Variants in LMO7 observed in about 807,000 individuals in gnomAD.
The protein encoded by LMO7 is LIM domain 7.
In LMO7, 120 loss-of-function variants were observed where a neutral mutation model predicts 206.5. The observed-to-expected ratio is 0.58, with a 90% confidence interval of 0.50 to 0.68. The LOEUF (loss-of-function observed/expected upper bound fraction) is 0.68, where lower values mean the gene tolerates loss of function less well. Among genes scored for constraint, LMO7 ranks in the 30% least tolerant of loss-of-function variants. The probability of loss-of-function intolerance (pLI) is 0.00; values close to 1 mark genes in which losing one functional copy is unlikely to be tolerated. For synonymous variants in LMO7, 706 were observed against 681.5 expected, an observed-to-expected ratio of 1.04 and a Z score of -0.56; for missense variants, 1,959 against 1,957.9, an observed-to-expected ratio of 1.00 and a Z score of -0.01.
At chr13:75,665,850 T>G (rs1291810609) in intron 1 of LMO7, among the ~76,000 whole-genome samples, 1 of 152,138 alleles carries the variant, frequency 6.6e-6, no homozygotes, top group Admixed American at 6.6e-5. Flanking sequence ...TTTTATATGT[T>G]CTATGGATGT....
At chr13:75,831,887 AAGTACTATCCT>A (rs2058703259) in intron 15 of LMO7, among the ~76,000 whole-genome samples, 1 of 152,152 alleles carries the variant, frequency 6.6e-6, no homozygotes, top group Admixed American at 6.5e-5. Flanking sequence ...ACACCATAGC[AAGTACTATCCT>A]AGTTTTTCTC....
intron 15 of LMO7, among the ~76,000 whole-genome samples, chr13:75,829,028 G>A (rs569140331): frequency 6.6e-6 from 1 of 152,104 alleles, no homozygotes; most frequent in African/African-American, 2.4e-5. Context: ...AAAAACAAGA[G>A]GTGGAAGAAC....
intron 1 of LMO7, among the ~76,000 whole-genome samples, chr13:75,637,704 A>G (rs2036091231): frequency 6.6e-6 from 1 of 152,266 alleles, no homozygotes; most frequent in African/African-American, 2.4e-5. Flanking sequence ...ATGTTTAAGA[A>G]TTCCAAAGCG....
intron 11 of LMO7, among the ~76,000 whole-genome samples, chr13:75,810,149 A>T (rs2056162502): frequency 6.6e-6 from 1 of 152,186 alleles, no homozygotes; most frequent in Admixed American, 6.5e-5. Context: ...ATTCATTCTT[A>T]GTACAAAATC....
At chr13:75,758,439 G>A (rs886891689) in intron 3 of LMO7, among the ~76,000 whole-genome samples, 5 of 152,256 alleles carry the variant, frequency 3.3e-5, no homozygotes, top group East Asian at 3.9e-4. Context: ...GTACAACCTC[G>A]TCCTGCTGCA....
chr13:75,681,718 G>GTATATATATATATATATA lies in LMO7; in HGVS notation c.70-31450_70-31433dup, dbSNP rs71127572. Among the ~76,000 whole-genome samples the GTATATATATATATATATA allele has an allele frequency of 8.6e-4, 90 of 104,510 alleles. 1 individual carries two copies. Among genetic ancestry groups the GTATATATATATATATATA allele is most frequent in the South Asian group, 1.0e-3 (3 of 2,902 alleles). 68.6% of individuals were successfully genotyped at this position (104,510 alleles called of 152,430 possible). ...TATGTATGTATGTGTATATATATAT[G>GTATATATATATATATATA]TATATATATATATATATATATATAT... On this transcript the variant is annotated intron_variant, in intron 1 of 30. Transcript: ENST00000377534.
chr13:75,722,204 A>C (rs779051262), intron 2 of LMO7, among the ~76,000 whole-genome samples: 24 of 152,358 alleles, frequency 1.6e-4, no homozygotes, highest in Non-Finnish European at 3.2e-4. Context: ...AATAGATGGG[A>C]CTTAATTAAA....
rs542590590 is a variant in LMO7, at chr13:75,785,119, A to G, written c.318-10282A>G. On this transcript the variant is annotated intron_variant, in intron 4 of 30. Transcript: ENST00000377534. ...ATTGTCTTTGGGTGACAGATTTAGGAAAGAAATTATTGGCAACAGGGTTTG... is the reference window on the plus strand; with the variant it reads ...ATTGTCTTTGGGTGACAGATTTAGGGAAGAAATTATTGGCAACAGGGTTTG... Among the ~76,000 whole-genome samples the G allele has an allele frequency of 2.0e-5, 3 of 152,294 alleles. No homozygotes were observed. The South Asian group carries it at 6.2e-4, about 32-fold the overall frequency.
chr13:75,787,608 A>G (rs1298102316), intron 4 of LMO7, among the ~76,000 whole-genome samples: 4 of 152,204 alleles, frequency 2.6e-5, no homozygotes. Context: ...AAGTACAGAA[A>G]TCGTCAGGTT....
chr13:75,842,823 G>A (rs2139284550), intron 24 of LMO7, 28 bp from the exon 25 acceptor site: 1 of 1,438,178 alleles, frequency 7.0e-7, no homozygotes, highest in Non-Finnish European at 9.8e-7. Context: ...CTAATATTTT[G>A]ACAACAAAAT....
chr13:75,821,705 C>T (rs1379148940), intron 14 of LMO7, 96 bp downstream of exon 14: 12 of 732,744 alleles, frequency 1.6e-5, no homozygotes, highest in Middle Eastern at 3.6e-4. Context: ...GATGTGTAAA[C>T]TGTACATAAC....
chr13:75,702,047 G>T (rs752023894), intron 1 of LMO7, among the ~76,000 whole-genome samples: 12 of 151,970 alleles, frequency 7.9e-5, no homozygotes, highest in Non-Finnish European at 1.5e-4. Flanking sequence ...CTAAAAGTTG[G>T]CTATGGTCTA....
At chr13:75,646,141 C>G (rs1054562779) in intron 1 of LMO7, among the ~76,000 whole-genome samples, 1 of 152,158 alleles carries the variant, frequency 6.6e-6, no homozygotes, top group Non-Finnish European at 1.5e-5. Context: ...CATCATTGTT[C>G]AGCCAGTTGC....
At chr13:75,666,436 C>T (rs1289483431) in intron 1 of LMO7, among the ~76,000 whole-genome samples, 1 of 152,178 alleles carries the variant, frequency 6.6e-6, no homozygotes, top group Non-Finnish European at 1.5e-5. Flanking sequence ...TAGAAATCTT[C>T]CTAAAGTGTT....
chr13:75,743,748 G>C (rs2046609551), intron 3 of LMO7, among the ~76,000 whole-genome samples: 1 of 151,934 alleles, frequency 6.6e-6, no homozygotes, highest in South Asian at 2.1e-4. Flanking sequence ...ACAAATGAGT[G>C]CTAGGCTTAG....
chr13:75,706,374 G>T (rs909392236), intron 1 of LMO7, among the ~76,000 whole-genome samples: 3 of 152,054 alleles, frequency 2.0e-5, no homozygotes, highest in Non-Finnish European at 2.9e-5. Flanking sequence ...TATTTTAGGG[G>T]GAGTCTTAGG....
chr13:75,648,520 G>C (rs1394312952), intron 1 of LMO7, among the ~76,000 whole-genome samples: 1 of 152,136 alleles, frequency 6.6e-6, no homozygotes, highest in Non-Finnish European at 1.5e-5. Flanking sequence ...TGTTTGGCAT[G>C]TACACATCCT....
intron 3 of LMO7, among the ~76,000 whole-genome samples, chr13:75,752,024 A>G (rs2047310977): frequency 6.6e-6 from 1 of 152,216 alleles, no homozygotes; most frequent in Non-Finnish European, 1.5e-5. Flanking sequence ...ACTTTTGCAT[A>G]ATGAAATGAT....
At chr13:75,794,575 G>A (rs1227917600) in intron 4 of LMO7, among the ~76,000 whole-genome samples, 2 of 152,120 alleles carry the variant, frequency 1.3e-5, no homozygotes, top group Non-Finnish European at 2.9e-5. Flanking sequence ...CTGTTAGACT[G>A]GACAGGCCAA....
Sources: gnomAD v4.1 joint callset for allele counts (sites outside exome capture counted in the v4.1 genomes callset) on GRCh38, gnomAD v4.1.1 for gene constraint, MANE v1.5 for transcripts, NCBI Gene and HGNC (gene_info 2026-07-23, HGNC 2026-07-21) for gene names.